Variants in FAAH2 observed in about 807,000 individuals in gnomAD.
The protein encoded by FAAH2 is fatty acid amide hydrolase 2.
A neutral mutation model predicts 36.9 loss-of-function variants in FAAH2; 60 were observed. The observed-to-expected ratio is 1.63, with a 90% CI of 1.32 to 2.02. The LOEUF (loss-of-function observed/expected upper bound fraction) is 2.02, where lower values mean the gene tolerates loss of function less well. Among genes scored for constraint, FAAH2 ranks in the 30% most tolerant of loss-of-function variants. The pLI, the probability that FAAH2 is intolerant of heterozygous loss-of-function variation, is 0.00. For synonymous variants in FAAH2, 214 were observed against 143.8 expected, an observed-to-expected ratio of 1.49 and a Z score of -3.49; for missense variants, 689 against 397.5, an observed-to-expected ratio of 1.73 and a Z score of -6.23.
At chrX:57,281,983 G>C (rs1232526841), upstream of FAAH2, among the ~76,000 whole-genome samples, 2 of 111,676 alleles carry the variant, frequency 1.8e-5, no homozygotes, top group African/African-American at 6.5e-5. Context: ...TGGGCATTTC[G>C]GTTGATTACA....
At chrX:57,139,325 G>T in the FAAH2 span, among the ~76,000 whole-genome samples, 1 of 112,262 alleles carries the variant, frequency 8.9e-6, no homozygotes, top group Non-Finnish European at 1.9e-5. Flanking sequence ...CCTTTCTATA[G>T]TGTGTGTTCT....
chrX:57,238,352 G>A, the FAAH2 span, among the ~76,000 whole-genome samples: 3 of 111,666 alleles, frequency 2.7e-5, no homozygotes, highest in Non-Finnish European at 3.8e-5. Context: ...TGTATGAACA[G>A]CAATGGAGCT....
the FAAH2 span, among the ~76,000 whole-genome samples, chrX:57,174,320 G>A: frequency 4.5e-5 from 5 of 110,008 alleles, no homozygotes; most frequent in South Asian, 1.9e-3. Flanking sequence ...AGCTGTGTGT[G>A]TGCATATGTT....
intron 5 of FAAH2, among the ~76,000 whole-genome samples, chrX:57,369,370 C>T (rs904459851): frequency 9.0e-6 from 1 of 110,825 alleles, no homozygotes; most frequent in Non-Finnish European, 1.9e-5. Flanking sequence ...TATCCAGATC[C>T]ATGAAGCTCA....
chrX:57,469,147 C>T (rs112720816), intron 10 of FAAH2, among the ~76,000 whole-genome samples: 2,643 of 111,726 alleles, frequency 0.024, 93 homozygotes, highest in African/African-American at 0.081. Flanking sequence ...CAAAAACATG[C>T]CAAATTGTAA....
chrX:57,397,773 A>T (rs2055339602), intron 7 of FAAH2, among the ~76,000 whole-genome samples: 1 of 109,739 alleles, frequency 9.1e-6, no homozygotes, highest in Non-Finnish European at 1.9e-5. Context: ...TTACATATGT[A>T]CACATGTGCC....
At chrX:57,476,322 C>T (rs1486024281) in intron 10 of FAAH2, among the ~76,000 whole-genome samples, 1 of 110,661 alleles carries the variant, frequency 9.0e-6, no homozygotes, top group Non-Finnish European at 1.9e-5. Context: ...AGTATGATAT[C>T]GGCTATAAGT....
the FAAH2 span, among the ~76,000 whole-genome samples, chrX:57,192,092 T>A: frequency 8.9e-6 from 1 of 112,084 alleles, no homozygotes; most frequent in Non-Finnish European, 1.9e-5. Flanking sequence ...TATTGGCCCT[T>A]CAAATCCACA....
chrX:57,426,935 A>T (rs1360616823), intron 7 of FAAH2, among the ~76,000 whole-genome samples: 1 of 111,446 alleles, frequency 9.0e-6, no homozygotes, highest in Non-Finnish European at 1.9e-5. Flanking sequence ...AATAAACAAT[A>T]TTAAAAAGCA....
At chrX:57,299,601 T>G (rs775467874) in intron 2 of FAAH2, among the ~76,000 whole-genome samples, 31 of 111,869 alleles carry the variant, frequency 2.8e-4, no homozygotes, top group South Asian at 1.1e-3. Context: ...GGAAGTTCTG[T>G]CCAGGGACAT....
chrX:57,285,041 C>T, upstream of FAAH2, among the ~76,000 whole-genome samples: 1 of 112,305 alleles, frequency 8.9e-6, no homozygotes, highest in East Asian at 2.8e-4. Context: ...TTGACAAAAC[C>T]TTTCTCTGGT....
chrX:57,470,221 C>T lies in FAAH2; in HGVS notation c.1424-18536C>T, dbSNP rs746233611. Among the ~76,000 whole-genome samples the T allele has an allele frequency of 3.6e-5, 4 of 110,374 alleles. No individual in the cohort carries two copies. In the South Asian group the frequency reaches 1.6e-3, roughly 43 times the overall value. On this transcript the variant is annotated intron_variant, in intron 10 of 10. Transcript: ENST00000374900. The stretch of plus-strand genomic sequence containing the variant: ...GAGCAAGAGCGAACACATTCAAAAG[C>T]TAGCAGAAGGAGAGAAATAACTCAG...
chrX:57,380,694 C>T (rs901568310), intron 6 of FAAH2, among the ~76,000 whole-genome samples: 2 of 112,084 alleles, frequency 1.8e-5, no homozygotes, highest in Non-Finnish European at 3.8e-5. Context: ...CTTGTCACCA[C>T]GTCTACAATT....
At chrX:57,145,254 G>GGC in the FAAH2 span, among the ~76,000 whole-genome samples, 2 of 47,637 alleles carry the variant, frequency 4.2e-5, no homozygotes, top group Non-Finnish European at 6.5e-5. Flanking sequence ...TCATTCTTTT[G>GGC]GGGGGGGGTA....
At chrX:57,210,211 G>A in the FAAH2 span, among the ~76,000 whole-genome samples, 2 of 111,181 alleles carry the variant, frequency 1.8e-5, no homozygotes, top group Non-Finnish European at 1.9e-5. Flanking sequence ...TGGGGTGGAG[G>A]GAAAATCTGT....
At chrX:57,413,220 A>G (rs1466231303) in intron 7 of FAAH2, among the ~76,000 whole-genome samples, 2 of 111,800 alleles carry the variant, frequency 1.8e-5, no homozygotes, top group African/African-American at 6.5e-5. Context: ...GAAGCTCTTT[A>G]GTTTAATTAG....
At chrX:57,442,505 C>G (rs1323718283) in intron 8 of FAAH2, among the ~76,000 whole-genome samples, 1 of 110,987 alleles carries the variant, frequency 9.0e-6, no homozygotes, top group Non-Finnish European at 1.9e-5. Context: ...ATGTGTGTCT[C>G]TGCATGTGAT....
the FAAH2 span, among the ~76,000 whole-genome samples, chrX:57,190,591 A>G: frequency 1.7e-4 from 19 of 110,848 alleles, no homozygotes; most frequent in South Asian, 7.1e-3. Context: ...TGGGAAAAGC[A>G]TAGTATCTGG....
chrX:57,227,313 G>T, the FAAH2 span, among the ~76,000 whole-genome samples: 1 of 111,203 alleles, frequency 9.0e-6, no homozygotes, highest in Non-Finnish European at 1.9e-5. Context: ...GAAGGCTGTT[G>T]TTCATATTAT....
Sources: gnomAD v4.1 joint callset for allele counts (sites outside exome capture counted in the v4.1 genomes callset) on GRCh38, gnomAD v4.1.1 for gene constraint, MANE v1.5 for transcripts, NCBI Gene and HGNC (gene_info 2026-07-23, HGNC 2026-07-21) for gene names.